EYS: variants seen among roughly 807,000 people sequenced by gnomAD.
EYS encodes protein eyes shut homolog.
In EYS, 250 loss-of-function variants were observed where a neutral mutation model predicts 282.1. The observed-to-expected ratio is 0.89, with a 90% CI of 0.80 to 0.98. The LOEUF is 0.98. EYS is among the 50% of genes least tolerant of loss of function. The probability of loss-of-function intolerance (pLI) is 0.00; values close to 1 mark genes in which losing one functional copy is unlikely to be tolerated. For synonymous variants in EYS, 1,355 were observed against 1,282.9 expected, an observed-to-expected ratio of 1.06 and a Z score of -1.20; for missense variants, 4,016 against 3,709.0, an observed-to-expected ratio of 1.08 and a Z score of -2.15.
intron 29 of EYS, among the ~76,000 whole-genome samples, chr6:64,340,138 T>C (rs1456810715): frequency 2.6e-5 from 4 of 151,176 alleles, no homozygotes; most frequent in African/African-American, 9.7e-5. Flanking sequence ...TGTAGAAGTA[T>C]ATGAAAGAGC....
chr6:65,587,535 G>T (rs933041161), intron 2 of EYS, among the ~76,000 whole-genome samples: 1 of 151,984 alleles, frequency 6.6e-6, no homozygotes, highest in Non-Finnish European at 1.5e-5. Flanking sequence ...CCCTTCTGCC[G>T]TGACTGCAAA....
chr6:64,045,359 T>A (rs1362704482), intron 33 of EYS, among the ~76,000 whole-genome samples: 1 of 151,698 alleles, frequency 6.6e-6, no homozygotes, highest in South Asian at 2.1e-4. Context: ...GAGTAACTCA[T>A]TTTTTAATGT....
At chr6:64,334,871 T>C (rs1019056731) in intron 29 of EYS, among the ~76,000 whole-genome samples, 2 of 152,090 alleles carry the variant, frequency 1.3e-5, no homozygotes, top group Non-Finnish European at 2.9e-5. Flanking sequence ...AGTTCACTCT[T>C]TGGAGGATGG....
chr6:64,655,134 C>T (rs546442184), intron 22 of EYS, among the ~76,000 whole-genome samples: 7 of 152,134 alleles, frequency 4.6e-5, no homozygotes, highest in Non-Finnish European at 7.3e-5. Flanking sequence ...CTCTTAACCC[C>T]CACTCCAAGA....
Position 65,286,579 on chromosome 6 carries a change from T to A in EYS, c.2023+9284A>T, listed in dbSNP as rs7761050. Among the ~76,000 whole-genome samples, 1,270 of 151,870 alleles carry A rather than the reference T, an allele frequency of 8.4e-3. 13 individuals are homozygous for A. Among genetic ancestry groups the A allele is most frequent in the African/African-American group, 0.029 (1,215 of 41,504 alleles). ...TGTCTTTAATGTTGATAAAACTATA[T>A]TATCCATGTACATAAGTTATAGAAA... On this transcript the variant is annotated intron_variant, in intron 12 of 42. Coordinates refer to ENST00000503581, the MANE Select transcript of EYS (RefSeq NM_001142800.2).
At chr6:63,722,311 T>G (rs928835833) in intron 42 of EYS, among the ~76,000 whole-genome samples, 5 of 152,138 alleles carry the variant, frequency 3.3e-5, no homozygotes, top group African/African-American at 9.7e-5. Context: ...CCACCTCAAC[T>G]AGATAACTCC....
chr6:64,250,151 C>A (rs1169380111), intron 30 of EYS, among the ~76,000 whole-genome samples: 2 of 152,160 alleles, frequency 1.3e-5, no homozygotes, highest in Non-Finnish European at 2.9e-5. Flanking sequence ...TATTACCTAT[C>A]CTTTTCTCCA....
intron 2 of EYS, among the ~76,000 whole-genome samples, chr6:65,561,767 A>T (rs1269559419): frequency 1.3e-5 from 2 of 151,856 alleles, no homozygotes. Context: ...AGCAATGAAA[A>T]CCACTACTCT....
At chr6:64,249,653 G>T (rs1255576983) in intron 30 of EYS, among the ~76,000 whole-genome samples, 1 of 152,118 alleles carries the variant, frequency 6.6e-6, no homozygotes, top group Non-Finnish European at 1.5e-5. Context: ...GTAATCAATG[G>T]ACTTGAAGAA....
chr6:63,973,158 T>TA, intron 35 of EYS, among the ~76,000 whole-genome samples: 3 of 152,112 alleles, frequency 2.0e-5, no homozygotes, highest in African/African-American at 7.2e-5. Flanking sequence ...TTGAAGTAAT[T>TA]TACACTTCCA....
At chr6:64,760,902 G>C (rs941348110) in intron 22 of EYS, among the ~76,000 whole-genome samples, 1 of 152,200 alleles carries the variant, frequency 6.6e-6, no homozygotes, top group Non-Finnish European at 1.5e-5. Flanking sequence ...GGACACTTTA[G>C]AACCTAGCCA....
chr6:65,379,128 C>T (rs1765513017), intron 8 of EYS, among the ~76,000 whole-genome samples: 1 of 152,014 alleles, frequency 6.6e-6, no homozygotes, highest in Non-Finnish European at 1.5e-5. Context: ...AGTCCAGCAT[C>T]ATCCTGATTC....
chr6:63,745,387 G>C (rs530627988), intron 41 of EYS, among the ~76,000 whole-genome samples: 1 of 152,204 alleles, frequency 6.6e-6, no homozygotes, highest in Non-Finnish European at 1.5e-5. Context: ...GCTACCAAAA[G>C]CTGAAAGAGG....
intron 31 of EYS, among the ~76,000 whole-genome samples, chr6:64,178,832 A>G (rs1764707383): frequency 6.6e-6 from 1 of 152,076 alleles, no homozygotes; most frequent in Non-Finnish European, 1.5e-5. Context: ...CAATAATATT[A>G]AATCACTATT....
Position 63,806,341 on chromosome 6 carries a change from G to A in EYS, c.7260C>T (p.Gly2420=), listed in dbSNP as rs1770908773. 3.9e-6 allele frequency: 6 copies of A among 1,549,666 alleles called. No individual in the cohort carries two copies. The highest frequency in any genetic ancestry group is 1.2e-5 in the South Asian group (1 of 83,810). The change falls in exon 37 of 43, where the codon GGC becomes GGT. Residue 2420 remains glycine (G), a synonymous_variant. Coordinates refer to ENST00000503581, the MANE Select transcript of EYS (RefSeq NM_001142800.2). ...ATGAGGTGTATCCAAAGGCATCTGT[G>A]CCACTGAACCTTGGCTGAGTAATAT... is the stretch of plus-strand genomic sequence containing the variant. ...AINITQPRFS[G]TDAFGYTSFL...
At chr6:63,969,270 A>T (rs1766444549) in intron 35 of EYS, among the ~76,000 whole-genome samples, 1 of 152,202 alleles carries the variant, frequency 6.6e-6, no homozygotes, top group Non-Finnish European at 1.5e-5. Flanking sequence ...CTGAGTATGG[A>T]TGTTTCTTTG....
intron 22 of EYS, among the ~76,000 whole-genome samples, chr6:64,656,046 C>G (rs984903978): frequency 6.6e-6 from 1 of 152,040 alleles, no homozygotes; most frequent in African/African-American, 2.4e-5. Context: ...CTTCTATTTT[C>G]TCTATTTTAT....
intron 1 of EYS, among the ~76,000 whole-genome samples, chr6:65,654,302 C>A (rs1330312403): frequency 6.6e-6 from 1 of 151,758 alleles, no homozygotes; most frequent in Non-Finnish European, 1.5e-5. Flanking sequence ...ACTCACAGAC[C>A]TGAGCTTCTG....
intron 22 of EYS, among the ~76,000 whole-genome samples, chr6:64,739,394 T>G (rs1367369840): frequency 6.6e-6 from 1 of 152,220 alleles, no homozygotes; most frequent in African/African-American, 2.4e-5. Flanking sequence ...AAGATAATTA[T>G]TTTTATGAGT....
Sources: gnomAD v4.1 joint callset for allele counts (sites outside exome capture counted in the v4.1 genomes callset) on GRCh38, gnomAD v4.1.1 for gene constraint, MANE v1.5 for transcripts, NCBI Gene and HGNC (gene_info 2026-07-23, HGNC 2026-07-21) for gene names.